Variants in PCP4L1 observed in about 807,000 individuals in gnomAD.
The protein encoded by PCP4L1 is Purkinje cell protein 4 like 1.
In PCP4L1, 9 loss-of-function variants were observed where a neutral mutation model predicts 9.6. That is an observed-to-expected ratio of 0.94 (90% CI 0.57 to 1.64). The LOEUF is 1.64. Ranked by LOEUF, PCP4L1 falls within the 40% of genes most tolerant of loss-of-function variation. PCP4L1 has a pLI of 0.00. For synonymous variants in PCP4L1, 31 were observed against 28.2 expected (o/e 1.10, Z -0.31); for missense variants, 81 against 80.8 (o/e 1.00, Z -0.01).
At chr1:161,264,336 G>A (rs1669470202) in intron 1 of PCP4L1, among the ~76,000 whole-genome samples, 1 of 151,830 alleles carries the variant, frequency 6.6e-6, no homozygotes, top group Admixed American at 6.6e-5. Flanking sequence ...GGCCAACATG[G>A]TGAAACCCCG....
intron 1 of PCP4L1, among the ~76,000 whole-genome samples, chr1:161,268,190 C>A (rs1669562846): frequency 6.6e-6 from 1 of 151,654 alleles, no homozygotes. Context: ...AGGTTTAGAG[C>A]CATTCTCAGC....
intron 1 of PCP4L1, among the ~76,000 whole-genome samples, chr1:161,281,538 C>T (rs1219410585): frequency 3.3e-5 from 5 of 150,742 alleles, no homozygotes; most frequent in South Asian, 2.1e-4. Context: ...CCCTCCCGGA[C>T]GGGGCAGCTG....
chr1:161,271,933 G>A (rs1669630414), intron 1 of PCP4L1, among the ~76,000 whole-genome samples: 2 of 151,380 alleles, frequency 1.3e-5, no homozygotes, highest in Admixed American at 6.6e-5. Flanking sequence ...TCAGCCTCCC[G>A]AGTAGCTGGG....
At chr1:161,275,871 T>C (rs543613882) in intron 1 of PCP4L1, among the ~76,000 whole-genome samples, 3 of 150,808 alleles carry the variant, frequency 2.0e-5, no homozygotes, top group African/African-American at 7.3e-5. Flanking sequence ...TCTCAGCTCA[T>C]TGCAACCTCC....
rs1164144078 is a variant in PCP4L1 at position 161,282,647 on chromosome 1, G to C, written c.10-1021G>C. On this transcript the variant is annotated intron_variant, in intron 1 of 2. Coordinates refer to ENST00000504449, the MANE Select transcript of PCP4L1 (RefSeq NM_001102566.2). Reference sequence around the variant, plus strand: ...CTGTTTATAAAAGCATCTTCTCTTGGATAATTAATAGCCATCTCAAATTTG... The same window carrying C: ...CTGTTTATAAAAGCATCTTCTCTTGCATAATTAATAGCCATCTCAAATTTG... Among the ~76,000 whole-genome samples, 5 of 152,098 alleles carry C rather than the reference G, an allele frequency of 3.3e-5. No individual in the cohort carries two copies. In the South Asian group the frequency reaches 6.2e-4, roughly 19 times the overall value.
Position 161,275,565 on chromosome 1 carries a change from G to A in PCP4L1, c.10-8103G>A, listed in dbSNP as rs966115470. ...AGAGTCCAGATTTTCCTTCAAAGAG[G>A]AGGGGTTGGGGTGAGAGAAAAGATC... On this transcript the variant is annotated intron_variant, in intron 1 of 2. Transcript: ENST00000504449. 3.3e-5 allele frequency among the ~76,000 whole-genome samples: 5 copies of A among 151,548 alleles called. No homozygotes were observed. The East Asian group carries it at 7.8e-4, about 24-fold the overall frequency.
intron 1 of PCP4L1, among the ~76,000 whole-genome samples, chr1:161,282,122 C>T (rs1303947627): frequency 6.6e-6 from 1 of 152,130 alleles, no homozygotes; most frequent in African/African-American, 2.4e-5. Flanking sequence ...AACAAGACTC[C>T]GTCTGCAATC....
intron 1 of PCP4L1, among the ~76,000 whole-genome samples, chr1:161,274,549 C>T (rs932589747): frequency 1.3e-5 from 2 of 152,142 alleles, no homozygotes; most frequent in Non-Finnish European, 2.9e-5. Flanking sequence ...TACCTCTGTG[C>T]CTCCTTTGTT....
intron 1 of PCP4L1, 76 bp downstream of exon 1, chr1:161,259,059 C>A (rs924713576): frequency 4.6e-6 from 7 of 1,505,972 alleles, no homozygotes; most frequent in Non-Finnish European, 6.2e-6. Context: ...CCCAGGGAGG[C>A]GAGGGAGAGC....
In PCP4L1 at chr1:161,275,122, T is replaced by A. The variant is rs151240954; in HGVS notation, c.10-8546T>A. 9.7e-4 allele frequency among the ~76,000 whole-genome samples: 147 copies of A among 152,246 alleles called. 2 individuals carry two copies. In the East Asian group the frequency reaches 0.026, roughly 26 times the overall value. ...GCAGGGCAGAGGGAAAGTGGCAGCC[T>A]GTGTGGTTTAGTCCTGACACACATT... On this transcript the variant is annotated intron_variant, in intron 1 of 2. Coordinates refer to ENST00000504449, the MANE Select transcript of PCP4L1 (RefSeq NM_001102566.2).
chr1:161,282,404 G>A (rs1443061423), intron 1 of PCP4L1, among the ~76,000 whole-genome samples: 1 of 144,284 alleles, frequency 6.9e-6, no homozygotes, highest in Non-Finnish European at 1.5e-5. Context: ...AGACCGTGGG[G>A]AGAGGGAGAG....
intron 1 of PCP4L1, among the ~76,000 whole-genome samples, chr1:161,276,815 T>C (rs548996663): frequency 1.3e-5 from 2 of 151,860 alleles, no homozygotes; most frequent in African/African-American, 4.8e-5. Context: ...TTACACAAAA[T>C]TTGGACCATA....
intron 2 of PCP4L1, 126 bp from the exon 3 acceptor site, chr1:161,284,213 A>G (rs1669867877): frequency 3.3e-6 from 4 of 1,230,308 alleles, no homozygotes; most frequent in Admixed American, 2.3e-5. Flanking sequence ...TCATAATCCT[A>G]GCAAAAATTT....
At chr1:161,275,952 C>T (rs866867633) in intron 1 of PCP4L1, among the ~76,000 whole-genome samples, 1 of 151,982 alleles carries the variant, frequency 6.6e-6, no homozygotes, top group African/African-American at 2.4e-5. Context: ...CCTGCCACCA[C>T]GCCCAGCTAA....
chr1:161,273,392 G>A (rs1669651828), intron 1 of PCP4L1, among the ~76,000 whole-genome samples: 1 of 152,124 alleles, frequency 6.6e-6, no homozygotes, highest in African/African-American at 2.4e-5. Context: ...AGGAGGCTGA[G>A]GCTGGAGTAT....
intron 1 of PCP4L1, among the ~76,000 whole-genome samples, chr1:161,270,723 A>G (rs183821733): frequency 6.6e-6 from 1 of 152,116 alleles, no homozygotes; most frequent in Admixed American, 6.5e-5. Context: ...AATACAAACA[A>G]AATTAGCTGG....
At chr1:161,263,259 G>T (rs1008797104) in intron 1 of PCP4L1, among the ~76,000 whole-genome samples, 15 of 151,914 alleles carry the variant, frequency 9.9e-5, no homozygotes, top group Admixed American at 4.6e-4. Context: ...TTTTGGGTTG[G>T]AGTCTTGCAC....
chr1:161,259,796 A>T (rs1447555580), intron 1 of PCP4L1, among the ~76,000 whole-genome samples: 1 of 152,222 alleles, frequency 6.6e-6, no homozygotes, highest in African/African-American at 2.4e-5. Flanking sequence ...CAGTCTGGTT[A>T]GTGGCATCAC....
At chr1:161,264,665 C>T (rs1669500044) in intron 1 of PCP4L1, among the ~76,000 whole-genome samples, 1 of 151,950 alleles carries the variant, frequency 6.6e-6, no homozygotes, top group African/African-American at 2.4e-5. Flanking sequence ...CCTGTCTCTA[C>T]TAAAAATTAA....
Sources: allele counts gnomAD v4.1 joint callset (sites outside exome capture counted in the v4.1 genomes callset), GRCh38; gene constraint gnomAD v4.1.1; transcripts MANE v1.5; gene names NCBI Gene and HGNC (gene_info 2026-07-23, HGNC 2026-07-21).